Variants in PLCG2 observed in about 807,000 individuals in gnomAD.
PLCG2 encodes the protein phospholipase C gamma 2.
Under a neutral mutation model 175.6 loss-of-function variants are expected in PLCG2, and 69 were observed. The ratio of observed to expected loss-of-function variants is 0.39; its 90% CI spans 0.32 to 0.48. PLCG2 has a LOEUF of 0.48. PLCG2 is among the 20% of genes least tolerant of loss of function. The pLI, the probability that PLCG2 is intolerant of heterozygous loss-of-function variation, is 0.91. For missense variants in PLCG2, 1,798 were observed against 1,650.9 expected (o/e 1.09, Z -1.54); for synonymous variants, 827 against 624.0 (o/e 1.33, Z -4.85).
intron 30 of PLCG2, among the ~76,000 whole-genome samples, chr16:81,941,033 CTG>C (rs1491239821): frequency 6.6e-6 from 1 of 152,156 alleles, no homozygotes; most frequent in Non-Finnish European, 1.5e-5. Context: ...AGAAAGATGA[CTG>C]TCATTTTAGT....
Position 81,826,204 on chromosome 16 carries a change from C to G in PLCG2, c.194-28240C>G, listed in dbSNP as rs115811204. Reference sequence around the variant, plus strand: ...GAGTCCTCCTCGGCCCCTTTGCCACCTTCATTTCTGGCATCATGTCCACCT... The same window carrying G: ...GAGTCCTCCTCGGCCCCTTTGCCACGTTCATTTCTGGCATCATGTCCACCT... On this transcript the variant is annotated intron_variant, in intron 2 of 32. Coordinates refer to ENST00000564138, the MANE Select transcript of PLCG2 (RefSeq NM_002661.5). 6.9e-3 allele frequency among the ~76,000 whole-genome samples: 1,050 copies of G among 152,324 alleles called. 11 individuals are homozygous for G. The highest frequency in any genetic ancestry group is 0.024 in the African/African-American group (994 of 41,558).
At chr16:81,782,364 C>T (rs888893904) in intron 1 of PLCG2, among the ~76,000 whole-genome samples, 1 of 149,792 alleles carries the variant, frequency 6.7e-6, no homozygotes, top group African/African-American at 2.4e-5. Context: ...GAAACAGGAA[C>T]AAAAAAGGGA....
intron 5 of PLCG2, among the ~76,000 whole-genome samples, chr16:81,867,116 A>G (rs752117977): frequency 5.3e-5 from 8 of 152,222 alleles, no homozygotes; most frequent in Non-Finnish European, 1.0e-4. Context: ...AACCAGAGGA[A>G]AGGCTGGAGG....
intron 2 of PLCG2, among the ~76,000 whole-genome samples, chr16:81,812,977 A>G (rs754542950): frequency 6.6e-6 from 1 of 152,136 alleles, no homozygotes; most frequent in Admixed American, 6.6e-5. Flanking sequence ...CAAAGATCAG[A>G]TGGTGGTAGA....
chr16:81,741,548 AC>A (rs756894502), intron 1 of PLCG2, among the ~76,000 whole-genome samples: 64 of 152,336 alleles, frequency 4.2e-4, no homozygotes, highest in Non-Finnish European at 7.9e-4. Flanking sequence ...GGTGGCTCAC[AC>A]CTTTGATCCC....
chr16:81,941,995 A>G lies in PLCG2; in HGVS notation c.3481+1936A>G, dbSNP rs142346178. The stretch of plus-strand genomic sequence containing the variant: ...TAATTTGCTTCTTTTAGATTAGTCT[A>G]ATAAGGCTTAGGAATGACACCAATT... On this transcript the variant is annotated intron_variant, in intron 30 of 32. Transcript: ENST00000564138. 2.0e-5 allele frequency among the ~76,000 whole-genome samples: 3 copies of G among 152,330 alleles called. No individual in the cohort carries two copies. The East Asian group carries it at 5.8e-4, about 29-fold the overall frequency.
intron 2 of PLCG2, among the ~76,000 whole-genome samples, chr16:81,769,684 G>C (rs996312142): frequency 1.3e-5 from 2 of 151,176 alleles, no homozygotes; most frequent in African/African-American, 4.8e-5. Context: ...GCCGGGCGTA[G>C]TGGCGGGCGC....
Position 81,958,034 on chromosome 16 carries a change from G to T in PLCG2, c.*36G>T, listed in dbSNP as rs745341461. 7 of 1,466,800 alleles carry T rather than the reference G, an allele frequency of 4.8e-6. No homozygotes were observed. The highest frequency in any genetic ancestry group is 6.7e-6 in the Non-Finnish European group (7 of 1,045,530). The allele number at this position is 1,466,800 out of a possible 1,614,324, so 90.9% of individuals were successfully genotyped here. A position where few individuals can be genotyped will look rare whatever the true frequency, so the allele number is the denominator to read the frequency against. On this transcript the variant is annotated 3_prime_UTR_variant, in exon 33 of 33. Transcript: ENST00000564138. ...ATGTGTGTAAGGGTATTGTGTGTGT[G>T]CGCATGTGTGTTTGCATGTAGGAGA...
At chr16:81,896,074 A>G in intron 13 of PLCG2, 147 bp downstream of exon 13, 2 of 1,021,148 alleles carry the variant, frequency 2.0e-6, no homozygotes, top group Non-Finnish European at 2.9e-6. Flanking sequence ...AGCCACTGCC[A>G]TCAAGTTCTC....
At chr16:81,891,396 G>A (rs1407143797) in intron 10 of PLCG2, 76 bp from the exon 11 acceptor site, 2 of 851,832 alleles carry the variant, frequency 2.3e-6, no homozygotes, top group African/African-American at 1.7e-5. Context: ...CCCCCTGGTG[G>A]GCGCAGACCA....
chr16:81,904,417 C>T (rs1382999048), intron 14 of PLCG2, among the ~76,000 whole-genome samples: 7 of 152,218 alleles, frequency 4.6e-5, no homozygotes, highest in African/African-American at 7.2e-5. Context: ...CGCTTGCCTG[C>T]GTGGGAGTCC....
At chr16:81,848,871 A>G (rs1014599612) in intron 2 of PLCG2, among the ~76,000 whole-genome samples, 17 of 152,114 alleles carry the variant, frequency 1.1e-4, no homozygotes, top group African/African-American at 4.1e-4. Flanking sequence ...TGTGGAAGAG[A>G]GGTGCTTGGT....
rs763477650 is a variant in PLCG2 at position 81,860,143 on chromosome 16, C to CTATTATTATTAT, written c.479+1000_479+1011dup. On this transcript the variant is annotated intron_variant, in intron 5 of 32. Coordinates refer to ENST00000564138, the MANE Select transcript of PLCG2 (RefSeq NM_002661.5). ...TGTTTCACCATGCCTGGCTTATTTACTATTATTATTATTATTATTATTATT... is the reference window on the plus strand; with the variant it reads ...TGTTTCACCATGCCTGGCTTATTTACTATTATTATTATTATTATTATTATTATTATTATTATT... 1.5e-3 allele frequency among the ~76,000 whole-genome samples: 187 copies of CTATTATTATTAT among 126,422 alleles called. 1 individual carries two copies. Among genetic ancestry groups the CTATTATTATTAT allele is most frequent in the East Asian group, 5.5e-3 (26 of 4,698 alleles). 82.9% of individuals were successfully genotyped at this position (126,422 alleles called of 152,430 possible).
At chr16:81,782,088 G>T (rs1420558440) in intron 1 of PLCG2, among the ~76,000 whole-genome samples, 1 of 152,210 alleles carries the variant, frequency 6.6e-6, no homozygotes, top group East Asian at 1.9e-4. Context: ...GTGTTAGCCA[G>T]GATGGTCTTG....
chr16:81,887,883 G>A (rs988137490), intron 9 of PLCG2, among the ~76,000 whole-genome samples: 10 of 152,200 alleles, frequency 6.6e-5, no homozygotes, highest in Non-Finnish European at 1.5e-4. Context: ...TTTTTAAAGG[G>A]TTTCTAGAAT....
chr16:81,761,306 A>G (rs1004858051), intron 2 of PLCG2, among the ~76,000 whole-genome samples: 4 of 152,186 alleles, frequency 2.6e-5, no homozygotes, highest in African/African-American at 9.6e-5. Flanking sequence ...TCAAGGATGC[A>G]GTGAGCTATG....
chr16:81,861,355 A>G (rs769394662), intron 5 of PLCG2, among the ~76,000 whole-genome samples: 28 of 152,294 alleles, frequency 1.8e-4, no homozygotes, highest in Middle Eastern at 3.4e-3. Context: ...GTGTCTGGTC[A>G]GTGTCCTCTG....
At chr16:81,868,841 A>T (rs1369904975) in intron 5 of PLCG2, among the ~76,000 whole-genome samples, 3 of 151,998 alleles carry the variant, frequency 2.0e-5, no homozygotes, top group South Asian at 2.1e-4. Flanking sequence ...TCTCACTGGG[A>T]CATCACCCTA....
At chr16:81,756,783 G>A (rs77564601) in intron 2 of PLCG2, among the ~76,000 whole-genome samples, 2,244 of 152,324 alleles carry the variant, frequency 0.015, 66 homozygotes, top group African/African-American at 0.051. Context: ...TTTGAGCCTA[G>A]ATGTGTCTAC....
Sources: gnomAD v4.1 joint callset for allele counts (sites outside exome capture counted in the v4.1 genomes callset) on GRCh38, gnomAD v4.1.1 for gene constraint, MANE v1.5 for transcripts, NCBI Gene and HGNC (gene_info 2026-07-23, HGNC 2026-07-21) for gene names.